WIPF2: variants seen among roughly 807,000 people sequenced by gnomAD.
The protein encoded by WIPF2 is WAS/WASL-interacting protein family member 2.
A neutral mutation model predicts 38.8 loss-of-function variants in WIPF2; 23 were observed. The observed-to-expected ratio is 0.59, with a 90% confidence interval of 0.43 to 0.84. The LOEUF (loss-of-function observed/expected upper bound fraction) is 0.84. Among genes scored for constraint, WIPF2 ranks in the 40% least tolerant of loss-of-function variants. The pLI, the probability that WIPF2 is intolerant of heterozygous loss-of-function variation, is 0.00. For missense variants in WIPF2, 574 were observed against 580.5 expected, an observed-to-expected ratio of 0.99 and a Z score of 0.11; for synonymous variants, 210 against 223.2, an observed-to-expected ratio of 0.94 and a Z score of 0.53.
Position 40,256,499 on chromosome 17 carries a change from C to T in WIPF2, c.40C>T (p.Pro14Ser), listed in dbSNP as rs753580450. The change falls in exon 2 of 8, where the codon CCT becomes TCT. Residue 14 changes from proline to serine, a missense_variant. By Grantham distance (74) the Pro-to-Ser change is moderately conservative. Coordinates refer to ENST00000323571, the MANE Select transcript of WIPF2 (RefSeq NM_133264.5). Reference protein sequence around the residue: ...PPPPPPPPGPPPPPTFHQANT... With the variant: ...PPPPPPPPGPSPPPTFHQANT... ...TCCCCCGCCACCCCCACCTGGTCCT[C>T]CTCCACCTCCCACATTTCATCAGGT... is the stretch of plus-strand genomic sequence containing the variant. 2.5e-6 allele frequency: 4 copies of T among 1,607,464 alleles called. No individual in the cohort carries two copies. The highest frequency in any genetic ancestry group is 1.7e-4 in the Middle Eastern group (1 of 6,036).
At chr17:40,235,666 C>T (rs372544893) in intron 1 of WIPF2, among the ~76,000 whole-genome samples, 21 of 151,110 alleles carry the variant, frequency 1.4e-4, no homozygotes, top group African/African-American at 4.6e-4. Flanking sequence ...CTCCGCCTCC[C>T]GGGTTCAAGC....
chr17:40,265,757 A>G (rs72836651), intron 5 of WIPF2, among the ~76,000 whole-genome samples: 17,218 of 152,124 alleles, frequency 0.11, 1,086 homozygotes, highest in East Asian at 0.29. Flanking sequence ...ACTGTGTGAG[A>G]TGGGAAGCCA....
chr17:40,257,861 C>T (rs1463398808), intron 2 of WIPF2, among the ~76,000 whole-genome samples: 2 of 151,698 alleles, frequency 1.3e-5, no homozygotes, highest in African/African-American at 2.4e-5. Context: ...TATGTGTGCA[C>T]GCATAGGTGT....
rs1359685811 is a variant in WIPF2, at chr17:40,279,709, T to C, written c.*1484T>C. ...GGTTTTCTACAACTGTTGCTATGTG[T>C]AGAGGGTGCTCAGAGCGTGGCATGA... On this transcript the variant is annotated 3_prime_UTR_variant, in exon 8 of 8. Coordinates refer to ENST00000323571, the MANE Select transcript of WIPF2 (RefSeq NM_133264.5). 1 of 152,278 alleles carries C rather than the reference T, an allele frequency of 6.6e-6. No individual in the cohort carries two copies. Among genetic ancestry groups the C allele is most frequent in the Non-Finnish European group, 1.5e-5 (1 of 68,030 alleles). The allele number at this position is 152,278 out of a possible 1,614,324, so 9.4% of individuals were successfully genotyped here.
chr17:40,220,573 G>GTGTGTA (rs1431477384), intron 1 of WIPF2: 43 of 77,098 alleles, frequency 5.6e-4, no homozygotes, highest in South Asian at 8.4e-4. Context: ...GTGTGTGTGT[G>GTGTGTA]TATATATATA....
chr17:40,227,429 A>G (rs2030540979), intron 1 of WIPF2, among the ~76,000 whole-genome samples: 1 of 152,176 alleles, frequency 6.6e-6, no homozygotes, highest in Non-Finnish European at 1.5e-5. Context: ...AGAATCCACT[A>G]AGGAGTATGT....
rs142411982 is a variant in WIPF2, at chr17:40,275,870, A to G, written c.1181-1213A>G. Among the ~76,000 whole-genome samples the G allele has an allele frequency of 3.9e-5, 6 of 152,238 alleles. No individual in the cohort carries two copies. The East Asian group carries it at 1.2e-3, about 30-fold the overall frequency. On this transcript the variant is annotated intron_variant, in intron 6 of 7. Transcript: ENST00000323571. Reference sequence around the variant, plus strand: ...GCATGAGCCACCATGCCCAGCTTCTAGATTCTTTAATGGTTGCTGTCCTTA... The same window carrying G: ...GCATGAGCCACCATGCCCAGCTTCTGGATTCTTTAATGGTTGCTGTCCTTA...
At chr17:40,274,776 C>A (rs1487701478) in intron 6 of WIPF2, among the ~76,000 whole-genome samples, 1 of 150,866 alleles carries the variant, frequency 6.6e-6, no homozygotes, top group Non-Finnish European at 1.5e-5. Flanking sequence ...AACTTCATCT[C>A]TCTAAAAAAT....
intron 1 of WIPF2, among the ~76,000 whole-genome samples, chr17:40,254,125 G>A (rs745624167): frequency 8.6e-5 from 13 of 151,312 alleles, no homozygotes; most frequent in Non-Finnish European, 1.5e-4. Flanking sequence ...CAAGCAACTC[G>A]GCTGCCTGAG....
chr17:40,258,986 C>T lies in WIPF2; in HGVS notation c.64-1549C>T, dbSNP rs548137268. Reference sequence around the variant, plus strand: ...TTTTTAGGCCGGGTGCAGTGGCTCACACCTGTAATCCCAGCACTTGAAACT... The same window carrying T: ...TTTTTAGGCCGGGTGCAGTGGCTCATACCTGTAATCCCAGCACTTGAAACT... On this transcript the variant is annotated intron_variant, in intron 2 of 7. Coordinates refer to ENST00000323571, the MANE Select transcript of WIPF2 (RefSeq NM_133264.5). Among the ~76,000 whole-genome samples the T allele has an allele frequency of 8.0e-3, 919 of 114,438 alleles. 10 individuals carry two copies. Among genetic ancestry groups the T allele is most frequent in the Middle Eastern group, 0.016 (3 of 186 alleles). The allele number at this position is 114,438 out of a possible 152,430, so 75.1% of individuals were successfully genotyped here.
intron 2 of WIPF2, among the ~76,000 whole-genome samples, chr17:40,259,203 C>T (rs1290439719): frequency 6.6e-6 from 1 of 151,050 alleles, no homozygotes; most frequent in Non-Finnish European, 1.5e-5. Context: ...TTTAGGAAAG[C>T]ATATAGAGGT....
intron 2 of WIPF2, among the ~76,000 whole-genome samples, chr17:40,259,859 A>G (rs184603919): frequency 3.9e-5 from 6 of 152,218 alleles, no homozygotes; most frequent in Non-Finnish European, 7.3e-5. Context: ...TGCTTACCAC[A>G]GTGCCTAAGT....
At chr17:40,274,338 A>AT (rs1378029189) in intron 6 of WIPF2, among the ~76,000 whole-genome samples, 4 of 152,146 alleles carry the variant, frequency 2.6e-5, no homozygotes, top group Non-Finnish European at 5.9e-5. Context: ...GGACTTATGT[A>AT]TTCTCCTAGG....
intron 5 of WIPF2, among the ~76,000 whole-genome samples, chr17:40,269,469 C>G (rs1303083598): frequency 4.6e-5 from 7 of 151,482 alleles, no homozygotes; most frequent in Admixed American, 4.6e-4. Context: ...TGAGATCACG[C>G]CACTGCACTC....
chr17:40,242,396 TTTTTTG>T lies in WIPF2; in HGVS notation c.-69-13992_-69-13987del, dbSNP rs532485169. 3.1e-3 allele frequency among the ~76,000 whole-genome samples: 474 copies of T among 151,914 alleles called. 4 individuals are homozygous for T. The highest frequency in any genetic ancestry group is 0.011 in the African/African-American group (452 of 41,474). On this transcript the variant is annotated intron_variant, in intron 1 of 7. Transcript: ENST00000323571. ...GAAGAAAGAAAGAAAAACCAAGAAA[TTTTTTG>T]TTGTTGTTGTTGTTGTTGGTTTGTT...
At chr17:40,220,583 A>ATG (rs2030147701) in intron 1 of WIPF2, 1 of 60,312 alleles carries the variant, frequency 1.7e-5, no homozygotes, top group Non-Finnish European at 3.1e-5. Context: ...GTATATATAT[A>ATG]TATATATATA....
At chr17:40,222,309 C>G (rs1012293281) in intron 1 of WIPF2, among the ~76,000 whole-genome samples, 1 of 151,654 alleles carries the variant, frequency 6.6e-6, no homozygotes, top group Non-Finnish European at 1.5e-5. Context: ...ACCTTGGCCT[C>G]CCAAAGTGCT....
chr17:40,243,712 G>C (rs1173145545), intron 1 of WIPF2, among the ~76,000 whole-genome samples: 1 of 151,728 alleles, frequency 6.6e-6, no homozygotes, highest in African/African-American at 2.4e-5. Context: ...GTAGAGATGG[G>C]GTTTCTCTGT....
chr17:40,278,059 A>T (rs1327501124), intron 7 of WIPF2, 126 bp from the exon 8 acceptor site: 1 of 1,140,076 alleles, frequency 8.8e-7, no homozygotes, highest in East Asian at 2.6e-5. Context: ...AAACAATAAT[A>T]ACACGTAGTC....
Sources: gnomAD v4.1 joint callset for allele counts (sites outside exome capture counted in the v4.1 genomes callset) on GRCh38, gnomAD v4.1.1 for gene constraint, MANE v1.5 for transcripts, NCBI Gene and HGNC (gene_info 2026-07-23, HGNC 2026-07-21) for gene names.